The following ABCC1 variants were observed in gnomAD, a reference collection of about 807,000 sequenced individuals.
ABCC1 encodes multidrug resistance-associated protein 1.
Under a neutral mutation model 172.9 loss-of-function variants are expected in ABCC1, and 83 were observed. That is an observed-to-expected ratio of 0.48 (90% CI 0.40 to 0.58). ABCC1 has a LOEUF of 0.58. Among genes scored for constraint, ABCC1 ranks in the 20% least tolerant of loss-of-function variants. The pLI is 0.00. For missense variants in ABCC1, 1,817 were observed against 2,002.7 expected, an observed-to-expected ratio of 0.91 and a Z score of 1.77; for synonymous variants, 937 against 825.2, an observed-to-expected ratio of 1.14 and a Z score of -2.32.
chr16:16,078,003 C>T (rs1286737259), intron 15 of ABCC1, among the ~76,000 whole-genome samples: 2 of 151,922 alleles, frequency 1.3e-5, no homozygotes, highest in Admixed American at 6.6e-5. Context: ...ACTAAAAATA[C>T]AAAAATTAGC....
At chr16:15,975,183 C>T (rs1455586281) in intron 1 of ABCC1, among the ~76,000 whole-genome samples, 1 of 152,186 alleles carries the variant, frequency 6.6e-6, no homozygotes, top group African/African-American at 2.4e-5. Context: ...AAATCCTCGC[C>T]CAAGAATGTA....
intron 10 of ABCC1, among the ~76,000 whole-genome samples, chr16:16,050,896 C>T (rs532749973): frequency 1.2e-4 from 18 of 151,584 alleles, no homozygotes; most frequent in Non-Finnish European, 2.5e-4. Context: ...AAGGCAAGAC[C>T]CTGTCTCTAG....
chr16:15,950,712 T>C (rs2045851222), intron 1 of ABCC1, among the ~76,000 whole-genome samples: 1 of 152,184 alleles, frequency 6.6e-6, no homozygotes, highest in African/African-American at 2.4e-5. Context: ...TCGTGCTGTC[T>C]TGATTGTTGG....
In ABCC1 at chr16:16,044,637, G is replaced by T; in HGVS notation, c.997G>T (p.Ala333Ser). The change falls in exon 8 of 31, where the codon GCC (alanine) becomes TCC (serine). Residue 333 changes from alanine to serine, a missense_variant. Around this residue, in one of 3 missense-constraint regions of ABCC1, gnomAD observed 1,412 missense variants for 1,600.3 expected, o/e 0.88. Transcript: ENST00000399410. ...PYFLMSFFFK[A>S]IHDLMMFSGP... The stretch of plus-strand genomic sequence containing the variant: ...CTTCCTCATGAGCTTCTTCTTCAAG[G>T]CCATCCACGACCTGATGATGTTTTC... 1 of 1,614,060 alleles carries T rather than the reference G, an allele frequency of 6.2e-7. No homozygotes were observed. Among genetic ancestry groups the T allele is most frequent in the East Asian group, 2.2e-5 (1 of 44,862 alleles).
chr16:16,053,771 T>A (rs1456676432), intron 11 of ABCC1, among the ~76,000 whole-genome samples: 2 of 45,990 alleles, frequency 4.3e-5, no homozygotes, highest in Non-Finnish European at 8.5e-5. Context: ...TGAGACCCTG[T>A]CTCAAAAAAA....
At chr16:16,141,027 C>T (rs1269947577) in intron 30 of ABCC1, 146 bp from the exon 31 acceptor site, 2 of 661,446 alleles carry the variant, frequency 3.0e-6, no homozygotes, top group South Asian at 1.8e-5. Context: ...TGAGGGTGAG[C>T]AACCAGCTGG....
At chr16:16,086,449 G>T (rs1455457314) in intron 17 of ABCC1, among the ~76,000 whole-genome samples, 1 of 152,132 alleles carries the variant, frequency 6.6e-6, no homozygotes, top group Non-Finnish European at 1.5e-5. Flanking sequence ...CAGGCTCTAT[G>T]CCTTTCTTTC....
At chr16:16,077,403 T>G (rs1001801487) in intron 15 of ABCC1, among the ~76,000 whole-genome samples, 1 of 152,218 alleles carries the variant, frequency 6.6e-6, no homozygotes, top group Non-Finnish European at 1.5e-5. Flanking sequence ...CTTGTTGAGC[T>G]GCACAACTAA....
At chr16:16,118,838 T>A (rs1364501177) in intron 23 of ABCC1, among the ~76,000 whole-genome samples, 1 of 149,804 alleles carries the variant, frequency 6.7e-6, no homozygotes, top group East Asian at 1.9e-4. Context: ...TTGGCTAAAT[T>A]TACATTTATC....
At chr16:15,973,992 A>C (rs2046428807) in intron 1 of ABCC1, among the ~76,000 whole-genome samples, 1 of 152,128 alleles carries the variant, frequency 6.6e-6, no homozygotes, top group Non-Finnish European at 1.5e-5. Flanking sequence ...CTCAAAAAAA[A>C]GAATGTGCAT....
chr16:16,139,219 A>T (rs1008792507), intron 30 of ABCC1, among the ~76,000 whole-genome samples: 1 of 152,218 alleles, frequency 6.6e-6, no homozygotes, highest in African/African-American at 2.4e-5. Flanking sequence ...GACGCTTGCC[A>T]AGGAGACGGG....
chr16:16,020,315 A>G (rs1334627654), intron 5 of ABCC1, among the ~76,000 whole-genome samples: 1 of 152,076 alleles, frequency 6.6e-6, no homozygotes, highest in Non-Finnish European at 1.5e-5. Context: ...TGTCCAGGAG[A>G]GAACACTTTG....
Position 16,118,900 on chromosome 16 carries a change from AAAAAAG to A in ABCC1, c.3391-3073_3391-3068del, listed in dbSNP as rs201165243. ...GTGTATATTAAAAAAAAAAAAAAAA[AAAAAAG>A]AGCAAAGGCAGTGCTTAGAATGTTC... On this transcript the variant is annotated intron_variant, in intron 23 of 30. Coordinates refer to ENST00000399410, the MANE Select transcript of ABCC1 (RefSeq NM_004996.4). Among the ~76,000 whole-genome samples, 1,300 of 151,638 alleles carry A rather than the reference AAAAAAG, an allele frequency of 8.6e-3. 25 individuals carry two copies. The highest frequency in any genetic ancestry group is 0.03 in the African/African-American group (1,244 of 41,252).
intron 26 of ABCC1, among the ~76,000 whole-genome samples, chr16:16,128,345 T>G (rs1281888386): frequency 6.6e-6 from 1 of 151,956 alleles, no homozygotes; most frequent in Non-Finnish European, 1.5e-5. Context: ...GAGAAGGGAT[T>G]TCACCATGTT....
At chr16:15,987,358 A>G (rs2046766418) in intron 1 of ABCC1, among the ~76,000 whole-genome samples, 1 of 152,170 alleles carries the variant, frequency 6.6e-6, no homozygotes, top group Non-Finnish European at 1.5e-5. Context: ...TTACAGGGTG[A>G]GGAGCTGAAG....
At chr16:16,068,483 T>G (rs1319208571) in intron 13 of ABCC1, among the ~76,000 whole-genome samples, 181 bp downstream of exon 13, 3 of 152,222 alleles carry the variant, frequency 2.0e-5, no homozygotes, top group Non-Finnish European at 4.4e-5. Flanking sequence ...CACATTTGAC[T>G]TCTTGACAGA....
At chr16:16,123,493 C>A (rs531251797) in intron 24 of ABCC1, among the ~76,000 whole-genome samples, 1 of 151,540 alleles carries the variant, frequency 6.6e-6, no homozygotes, top group East Asian at 1.9e-4. Context: ...AAAAATTAGC[C>A]GGGCATGATG....
At chr16:16,099,282 G>C (rs979541305) in intron 19 of ABCC1, among the ~76,000 whole-genome samples, 2 of 152,206 alleles carry the variant, frequency 1.3e-5, no homozygotes, top group Non-Finnish European at 2.9e-5. Context: ...AGATCCTGGG[G>C]CACAGTCAAG....
chr16:16,141,121 C>T (rs1223519236), intron 30 of ABCC1, 52 bp from the exon 31 acceptor site: 14 of 1,524,056 alleles, frequency 9.2e-6, no homozygotes, highest in Admixed American at 6.8e-5. Context: ...CCCAGGGGCA[C>T]GAGGTGCTCA....
Sources: gnomAD v4.1 joint callset for allele counts (sites outside exome capture counted in the v4.1 genomes callset) on GRCh38, gnomAD v4.1.1 for gene constraint, gnomAD v4.1.1 regional missense constraint, MANE v1.5 for transcripts, NCBI Gene and HGNC (gene_info 2026-07-23, HGNC 2026-07-21) for gene names.